The following AGXT2 variants were observed in gnomAD, a reference collection of about 807,000 sequenced individuals.
The protein encoded by AGXT2 is alanine--glyoxylate aminotransferase 2, mitochondrial.
Under a neutral mutation model 62.5 loss-of-function variants are expected in AGXT2, and 61 were observed. The observed-to-expected ratio is 0.98, with a 90% CI of 0.79 to 1.21. The LOEUF (loss-of-function observed/expected upper bound fraction) is 1.21. Ranked by LOEUF, AGXT2 falls within the 50% of genes most tolerant of loss-of-function variation. AGXT2 has a pLI of 0.00. For synonymous variants in AGXT2, 243 were observed against 218.7 expected, an observed-to-expected ratio of 1.11 and a Z score of -0.98; for missense variants, 666 against 641.5, an observed-to-expected ratio of 1.04 and a Z score of -0.41.
At chr5:35,009,258 T>C (rs1766535386) in intron 12 of AGXT2, among the ~76,000 whole-genome samples, 3 of 151,422 alleles carry the variant, frequency 2.0e-5, no homozygotes, top group Non-Finnish European at 4.4e-5. Flanking sequence ...CCCTGGTTAC[T>C]TGGGAGGTTG....
intron 7 of AGXT2, among the ~76,000 whole-genome samples, chr5:35,028,294 T>A (rs560193420): frequency 6.6e-6 from 1 of 152,200 alleles, no homozygotes; most frequent in African/African-American, 2.4e-5. Flanking sequence ...GCTATCATGT[T>A]ACCAGTACTA....
In AGXT2 at chr5:35,040,427, G is replaced by A. The variant is rs545215406; in HGVS notation, c.177+148C>T. 1.0e-4 allele frequency: 77 copies of A among 753,570 alleles called. No individual in the cohort carries two copies. The Middle Eastern group carries it at 4.3e-3, about 42-fold the overall frequency. 46.7% of individuals were successfully genotyped at this position (753,570 alleles called of 1,614,324 possible). A position where few individuals can be genotyped will look rare whatever the true frequency, so the allele number is the denominator to read the frequency against. On this transcript the variant is annotated intron_variant, in intron 2 of 13. Transcript: ENST00000231420. The stretch of plus-strand genomic sequence containing the variant: ...TTAAGGGATTAAGAGGGTTTCAGAT[G>A]CTTCCAATGACTTAGAGGTACAATA...
At chr5:35,042,343 G>A (rs571212014) in intron 1 of AGXT2, among the ~76,000 whole-genome samples, 1 of 151,814 alleles carries the variant, frequency 6.6e-6, no homozygotes, top group Non-Finnish European at 1.5e-5. Flanking sequence ...AGAAAGAAGA[G>A]GAAGAAAGGA....
rs374253730 is a variant in AGXT2 at position 35,035,607 on chromosome 5, A to C, written c.487-291T>G. On this transcript the variant is annotated intron_variant, in intron 4 of 13. Coordinates refer to ENST00000231420, the MANE Select transcript of AGXT2 (RefSeq NM_031900.4). ...GATGGTCTGCAAAATGCCAAGGGAG[A>C]CTTGCTGAGGGGCACGCAGTGGTGA... Among the ~76,000 whole-genome samples the C allele has an allele frequency of 1.2e-3, 145 of 121,936 alleles. 2 individuals carry two copies. The highest frequency in any genetic ancestry group is 4.2e-3 in the African/African-American group (142 of 34,036). 80.0% of individuals were successfully genotyped at this position (121,936 alleles called of 152,430 possible). A position where few individuals can be genotyped will look rare whatever the true frequency, so the allele number is the denominator to read the frequency against.
chr5:35,040,099 GAGAA>G (rs201037779), intron 2 of AGXT2, among the ~76,000 whole-genome samples: 3 of 152,118 alleles, frequency 2.0e-5, no homozygotes, highest in Non-Finnish European at 2.9e-5. Context: ...AAGAAAGAGA[GAGAA>G]AGAAAGAAAG....
intron 11 of AGXT2, among the ~76,000 whole-genome samples, chr5:35,010,880 C>A (rs1030003693): frequency 6.6e-6 from 1 of 152,142 alleles, no homozygotes; most frequent in Non-Finnish European, 1.5e-5. Context: ...GACCTTTGCT[C>A]AGCAGGCCTC....
intron 12 of AGXT2, among the ~76,000 whole-genome samples, chr5:35,005,556 T>A (rs367545871): frequency 2.2e-4 from 33 of 152,084 alleles, no homozygotes; most frequent in African/African-American, 7.7e-4. Context: ...GTGGAGTCTG[T>A]GTGGCTTCAC....
intron 1 of AGXT2, among the ~76,000 whole-genome samples, chr5:35,043,518 C>T (rs543918571): frequency 1.3e-5 from 2 of 152,092 alleles, no homozygotes; most frequent in East Asian, 1.9e-4. Flanking sequence ...TTTACAGATG[C>T]CCAGGGATGA....
In AGXT2 at chr5:34,998,543, T is replaced by G; in HGVS notation, c.*176A>C. ...TCCCTGAAGAATGGAGTTCTCAAGA[T>G]AAGAGGGGCTCTGCTAACAAATATG... On this transcript the variant is annotated 3_prime_UTR_variant, in exon 14 of 14. Transcript: ENST00000231420. 1 of 631,612 alleles carries G rather than the reference T, an allele frequency of 1.6e-6. No homozygotes were observed. The highest frequency in any genetic ancestry group is 2.8e-6 in the Non-Finnish European group (1 of 356,614). The allele number at this position is 631,612 out of a possible 1,614,324, so 39.1% of individuals were successfully genotyped here. A position where few individuals can be genotyped will look rare whatever the true frequency, so the allele number is the denominator to read the frequency against.
intron 12 of AGXT2, among the ~76,000 whole-genome samples, chr5:35,004,535 C>G (rs906619263): frequency 6.6e-6 from 1 of 152,198 alleles, no homozygotes; most frequent in Non-Finnish European, 1.5e-5. Context: ...TTCTGTGCGT[C>G]CCCTGTCTTC....
intron 12 of AGXT2, among the ~76,000 whole-genome samples, chr5:35,005,179 T>C (rs1766375821): frequency 6.6e-6 from 1 of 151,872 alleles, no homozygotes; most frequent in Admixed American, 6.6e-5. Context: ...GATTGGAGAG[T>C]AATCCGGAGG....
chr5:35,029,234 GGAAGA>G (rs1410557674), intron 7 of AGXT2, among the ~76,000 whole-genome samples: 1 of 152,150 alleles, frequency 6.6e-6, no homozygotes, highest in African/African-American at 2.4e-5. Flanking sequence ...TATTGGGAAA[GGAAGA>G]GAAAACAGCT....
At chr5:35,001,715 A>T (rs2112159939) in intron 13 of AGXT2, among the ~76,000 whole-genome samples, 1 of 152,262 alleles carries the variant, frequency 6.6e-6, no homozygotes, top group African/African-American at 2.4e-5. Flanking sequence ...GGTGTGCAAA[A>T]TTAGTTCTTT....
rs542591529 is a variant in AGXT2 at position 35,010,675 on chromosome 5, A to T, written c.1189-526T>A. On this transcript the variant is annotated intron_variant, in intron 11 of 13. Coordinates refer to ENST00000231420, the MANE Select transcript of AGXT2 (RefSeq NM_031900.4). The stretch of plus-strand genomic sequence containing the variant: ...ACTCCAGCCTGGGTGACAGAGCGAC[A>T]CTTTGCCTCAAAAAACAAACAAAAA... Among the ~76,000 whole-genome samples, 8 of 152,296 alleles carry T rather than the reference A, an allele frequency of 5.3e-5. No individual in the cohort carries two copies. In the East Asian group the frequency reaches 1.5e-3, roughly 29 times the overall value.
intron 9 of AGXT2, among the ~76,000 whole-genome samples, chr5:35,017,420 A>T (rs1580583325): frequency 1.3e-5 from 2 of 152,184 alleles, no homozygotes; most frequent in East Asian, 1.9e-4. Context: ...GAGGGACCTG[A>T]TGGGAGATAA....
rs759666875 is a variant in AGXT2, at chr5:35,036,902, T to TC, written c.486+39dup. On this transcript the variant is annotated intron_variant, in intron 4 of 13. Coordinates refer to ENST00000231420, the MANE Select transcript of AGXT2 (RefSeq NM_031900.4). ...GCTGGGAGCATCATACCTTTTTTTT[T>TC]CCCCCATAACATTCACCTCCTGCAG... The TC allele has an allele frequency of 3.7e-6, 6 of 1,612,636 alleles. No individual in the cohort carries two copies. The East Asian group carries it at 8.9e-5, about 24-fold the overall frequency.
chr5:35,019,577 G>T (rs1261959208), intron 9 of AGXT2, among the ~76,000 whole-genome samples: 1 of 152,200 alleles, frequency 6.6e-6, no homozygotes, highest in Non-Finnish European at 1.5e-5. Flanking sequence ...TCAAAGCAGT[G>T]TGTAGAGGGA....
In AGXT2 at chr5:34,998,612, G is replaced by T; in HGVS notation, c.*107C>A. ...ATGACTTTTACAGCTCCTGTGGAGA[G>T]CTGCAGGCTTTCTCTGGATACCAGT... On this transcript the variant is annotated 3_prime_UTR_variant, in exon 14 of 14. Transcript: ENST00000231420. 1.1e-6 allele frequency: 1 copy of T among 870,420 alleles called. No individual in the cohort carries two copies. Among genetic ancestry groups the T allele is most frequent in the Non-Finnish European group, 1.9e-6 (1 of 533,832 alleles). 53.9% of individuals were successfully genotyped at this position (870,420 alleles called of 1,614,324 possible).
intron 1 of AGXT2, among the ~76,000 whole-genome samples, chr5:35,047,547 A>G (rs898266062): frequency 2.0e-5 from 3 of 152,330 alleles, no homozygotes; most frequent in East Asian, 3.9e-4. Context: ...CTGAGATAGC[A>G]TGTCATGTTG....
Sources: gnomAD v4.1 joint callset for allele counts (sites outside exome capture counted in the v4.1 genomes callset) on GRCh38, gnomAD v4.1.1 for gene constraint, MANE v1.5 for transcripts, NCBI Gene and HGNC (gene_info 2026-07-23, HGNC 2026-07-21) for gene names.